SEC23IP: variants seen among roughly 807,000 people sequenced by gnomAD.
The protein encoded by SEC23IP is SEC23-interacting protein.
A neutral mutation model predicts 113.4 loss-of-function variants in SEC23IP; 70 were observed. The ratio of observed to expected loss-of-function variants is 0.62; its 90% CI spans 0.51 to 0.75. The LOEUF is 0.75. Among genes scored for constraint, SEC23IP ranks in the 30% least tolerant of loss-of-function variants. The pLI is 0.00. For synonymous variants in SEC23IP, 398 were observed against 421.0 expected (o/e 0.95, Z 0.67); for missense variants, 1,160 against 1,204.9 (o/e 0.96, Z 0.55).
intron 1 of SEC23IP, 118 bp from the exon 2 acceptor site, chr10:119,898,309 G>A (rs1854351278): frequency 3.0e-6 from 4 of 1,350,864 alleles, no homozygotes; most frequent in Non-Finnish European, 3.8e-6. Context: ...CTGTAATGCA[G>A]AAATAGCAAG....
chr10:119,914,585 G>A (rs748324326), intron 6 of SEC23IP, 145 bp from the exon 7 acceptor site: 10 of 653,238 alleles, frequency 1.5e-5, no homozygotes, highest in Non-Finnish European at 2.7e-5. Flanking sequence ...TAATTTGATA[G>A]GGGTAATGAG....
intron 4 of SEC23IP, among the ~76,000 whole-genome samples, chr10:119,906,496 C>T (rs975970391): frequency 6.0e-5 from 9 of 149,834 alleles, no homozygotes; most frequent in Admixed American, 4.0e-4. Context: ...AAGACCATTT[C>T]GACAATGAAA....
chr10:119,910,866 G>T (rs1854834426), intron 5 of SEC23IP, among the ~76,000 whole-genome samples: 1 of 151,400 alleles, frequency 6.6e-6, no homozygotes, highest in African/African-American at 2.4e-5. Context: ...ACTTTTTTTT[G>T]CAGAGATGGG....
rs1564906392 is a variant in SEC23IP at position 119,901,937 on chromosome 10, T to C, written c.697-862T>C. On this transcript the variant is annotated intron_variant, in intron 2 of 18. Transcript: ENST00000369075. ...CCTGACCTTAGGTGATCCACCCACC[T>C]CAGCCTCCCAAAGTGGCAGGATTAC... 2.0e-5 allele frequency among the ~76,000 whole-genome samples: 3 copies of C among 152,270 alleles called. No homozygotes were observed. In the South Asian group the frequency reaches 6.2e-4, roughly 32 times the overall value.
At chr10:119,894,856 C>A (rs1397489245) in intron 1 of SEC23IP, among the ~76,000 whole-genome samples, 1 of 151,444 alleles carries the variant, frequency 6.6e-6, no homozygotes, top group Non-Finnish European at 1.5e-5. Flanking sequence ...GGTATAGCTA[C>A]ACCTGTCTTT....
intron 4 of SEC23IP, 132 bp downstream of exon 4, chr10:119,904,409 G>T (rs1446860566): frequency 4.0e-6 from 3 of 750,162 alleles, no homozygotes; most frequent in Non-Finnish European, 4.4e-6. Context: ...TCACAGAGAA[G>T]ATTACTTTTT....
chr10:119,920,095 T>C (rs1855200611), intron 11 of SEC23IP, among the ~76,000 whole-genome samples: 1 of 152,178 alleles, frequency 6.6e-6, no homozygotes, highest in Non-Finnish European at 1.5e-5. Flanking sequence ...ATAGGAAGTT[T>C]GAAAATATGC....
chr10:119,912,000 G>T (rs1375407810), intron 5 of SEC23IP, 44 bp from the exon 6 acceptor site: 4 of 1,610,554 alleles, frequency 2.5e-6, no homozygotes, highest in Non-Finnish European at 3.4e-6. Context: ...TAGTGGAAAA[G>T]AATTTGTTAA....
At chr10:119,900,897 T>C (rs560745933) in intron 2 of SEC23IP, among the ~76,000 whole-genome samples, 98 of 152,304 alleles carry the variant, frequency 6.4e-4, no homozygotes, top group African/African-American at 2.2e-3. Context: ...CATTTTGTTA[T>C]ATGTCTTTTT....
intron 1 of SEC23IP, 97 bp downstream of exon 1, chr10:119,893,042 A>G (rs2134441058): frequency 7.3e-7 from 1 of 1,366,042 alleles, no homozygotes; most frequent in Non-Finnish European, 1.0e-6. Context: ...GCCTCGAGCT[A>G]CCCTCTGGAT....
intron 15 of SEC23IP, 21 bp from the exon 16 acceptor site, chr10:119,932,112 G>A (rs1855625307): frequency 1.3e-6 from 2 of 1,540,102 alleles, no homozygotes; most frequent in African/African-American, 1.4e-5. Flanking sequence ...TTAACTTGTT[G>A]TGTCATCTTA....
At chr10:119,920,652 G>T (rs1397753916) in intron 11 of SEC23IP, among the ~76,000 whole-genome samples, 1 of 152,180 alleles carries the variant, frequency 6.6e-6, no homozygotes, top group Non-Finnish European at 1.5e-5. Flanking sequence ...TATAGCTTTG[G>T]AATTTTGTAT....
intron 18 of SEC23IP, among the ~76,000 whole-genome samples, chr10:119,936,447 G>A (rs1855784023): frequency 6.6e-6 from 1 of 151,034 alleles, no homozygotes; most frequent in South Asian, 2.1e-4. Flanking sequence ...GGAGGCCGAG[G>A]CAGGAGGATC....
chr10:119,939,446 C>A (rs1855894521), intron 18 of SEC23IP, among the ~76,000 whole-genome samples: 1 of 152,062 alleles, frequency 6.6e-6, no homozygotes, highest in Non-Finnish European at 1.5e-5. Context: ...CTTTGGGAGG[C>A]CAAGGCGGAT....
intron 4 of SEC23IP, among the ~76,000 whole-genome samples, chr10:119,908,747 T>G (rs574171279): frequency 6.6e-5 from 10 of 152,306 alleles, no homozygotes; most frequent in African/African-American, 2.4e-4. Flanking sequence ...TACATTTTTT[T>G]TCTAAGTCAC....
At chr10:119,916,142 G>A (rs1855045793) in intron 8 of SEC23IP, among the ~76,000 whole-genome samples, 2 of 152,238 alleles carry the variant, frequency 1.3e-5, no homozygotes, top group South Asian at 2.1e-4. Context: ...TTAATCTGTA[G>A]CAGTTTAGAC....
Position 119,911,032 on chromosome 10 carries a change from A to G in SEC23IP, c.1192-1012A>G, listed in dbSNP as rs1341640835. On this transcript the variant is annotated intron_variant, in intron 5 of 18. Coordinates refer to ENST00000369075, the MANE Select transcript of SEC23IP (RefSeq NM_007190.4). ...ACATTTTGCATACTACATCAAGTATATATTCTTTTTTTTTTTTTTAAAGAA... is the reference window on the plus strand; with the variant it reads ...ACATTTTGCATACTACATCAAGTATGTATTCTTTTTTTTTTTTTTAAAGAA... Among the ~76,000 whole-genome samples the G allele has an allele frequency of 1.5e-4, 22 of 148,096 alleles. 1 individual carries two copies. The highest frequency in any genetic ancestry group is 4.5e-5 in the Non-Finnish European group (3 of 67,090).
intron 6 of SEC23IP, among the ~76,000 whole-genome samples, chr10:119,912,734 A>C (rs1053780091): frequency 6.8e-6 from 1 of 146,086 alleles, no homozygotes; most frequent in Admixed American, 7.0e-5. Context: ...TCCGCCTCCC[A>C]GGTTCATGCG....
Position 119,892,862 on chromosome 10 carries a change from C to T in SEC23IP, c.80C>T (p.Ser27Leu), listed in dbSNP as rs774300336. The change falls in exon 1 of 19, where the codon TCG becomes TTG. Residue 27 changes from serine (S) to leucine (L), a missense_variant. Transcript: ENST00000369075. The stretch of plus-strand genomic sequence containing the variant: ...GGCACTAACTTACTTTTCTCCTCCT[C>T]GGCCACGGAGTTCAGCTTCAATGTG... ...SSGTNLLFSSSATEFSFNVPF... is the reference protein window; with the variant it reads ...SSGTNLLFSSLATEFSFNVPF... 15 of 1,613,982 alleles carry T rather than the reference C, an allele frequency of 9.3e-6. No individual in the cohort carries two copies. The highest frequency in any genetic ancestry group is 1.7e-5 in the Admixed American group (1 of 59,996).
Sources: allele counts gnomAD v4.1 joint callset (sites outside exome capture counted in the v4.1 genomes callset), GRCh38; gene constraint gnomAD v4.1.1; transcripts MANE v1.5; gene names NCBI Gene and HGNC (gene_info 2026-07-23, HGNC 2026-07-21).